Variants in PADI4 observed in about 807,000 individuals in gnomAD.
PADI4 encodes the protein protein-arginine deiminase type-4.
In PADI4, 62 loss-of-function variants were observed where a neutral mutation model predicts 75.0. The observed-to-expected ratio is 0.83, with a 90% CI of 0.67 to 1.02. The LOEUF is 1.02. PADI4 is among the 50% of genes least tolerant of loss of function. The pLI is 0.00. For synonymous variants in PADI4, 361 were observed against 348.1 expected, an observed-to-expected ratio of 1.04 and a Z score of -0.41; for missense variants, 845 against 850.5, an observed-to-expected ratio of 0.99 and a Z score of 0.08.
chr1:17,329,122 C>T lies in PADI4; in HGVS notation c.93-1847C>T, dbSNP rs563305354. The stretch of plus-strand genomic sequence containing the variant: ...TATCTTTATTAAGATATTTTTTGTA[C>T]GAGTGCACGATTCTAGGTTAACAGT... On this transcript the variant is annotated intron_variant, in intron 1 of 15. Transcript: ENST00000375448. Among the ~76,000 whole-genome samples, 70 of 147,140 alleles carry T rather than the reference C, an allele frequency of 4.8e-4. 2 individuals carry two copies. In the South Asian group the frequency reaches 5.9e-3, roughly 12 times the overall value.
chr1:17,362,531 C>T (rs2074861077), intron 15 of PADI4, among the ~76,000 whole-genome samples: 7 of 151,814 alleles, frequency 4.6e-5, no homozygotes, highest in Admixed American at 4.6e-4. Context: ...CACTGAGGAC[C>T]CCCAAAATGG....
Position 17,356,988 on chromosome 1 carries a change from T to A in PADI4, c.1558+529T>A, listed in dbSNP as rs1242582417. On this transcript the variant is annotated intron_variant, in intron 13 of 15. Coordinates refer to ENST00000375448, the MANE Select transcript of PADI4 (RefSeq NM_012387.3). The surrounding 1 kb of genome is among the most constrained non-coding windows in gnomAD (Gnocchi z 4.1). ...CTGAGATGCCTCTGTGGCTGAGAGCTCCACCTCAGATCTGAGTATGTTGTG... is the reference window on the plus strand; with the variant it reads ...CTGAGATGCCTCTGTGGCTGAGAGCACCACCTCAGATCTGAGTATGTTGTG... 6.6e-6 allele frequency among the ~76,000 whole-genome samples: 1 copy of A among 152,078 alleles called. No homozygotes were observed. Among genetic ancestry groups the A allele is most frequent in the Non-Finnish European group, 1.5e-5 (1 of 68,018 alleles).
intron 8 of PADI4, 147 bp from the exon 9 acceptor site, chr1:17,345,881 C>T: frequency 1.7e-6 from 1 of 595,936 alleles, no homozygotes; most frequent in East Asian, 2.9e-5. Flanking sequence ...TGAGCTAATG[C>T]CTGCTAAGAG....
intron 10 of PADI4, among the ~76,000 whole-genome samples, chr1:17,354,180 G>C (rs2100239306): frequency 6.6e-6 from 1 of 152,192 alleles, no homozygotes; most frequent in South Asian, 2.1e-4. Context: ...AGGGGCGGAG[G>C]TTGCAGTGGC....
chr1:17,351,048 A>G (rs2074607844), intron 10 of PADI4, among the ~76,000 whole-genome samples: 1 of 125,588 alleles, frequency 8.0e-6, no homozygotes, highest in Non-Finnish European at 1.8e-5. Context: ...AATTGTTTCA[A>G]TTAACTAGGC....
At chr1:17,340,031 C>T (rs2074387063) in intron 6 of PADI4, among the ~76,000 whole-genome samples, 2 of 134,716 alleles carry the variant, frequency 1.5e-5, no homozygotes, top group South Asian at 4.8e-4. Context: ...TTTTCTTTCT[C>T]TCTCTCTCAC....
chr1:17,344,123 G>A (rs540422427), intron 8 of PADI4, among the ~76,000 whole-genome samples: 10 of 152,348 alleles, frequency 6.6e-5, no homozygotes, highest in Admixed American at 2.0e-4. Flanking sequence ...AGATGGAGAT[G>A]AGGAACTTGT....
intron 1 of PADI4, among the ~76,000 whole-genome samples, chr1:17,311,356 T>G (rs907231277): frequency 2.0e-5 from 3 of 151,182 alleles, no homozygotes; most frequent in Non-Finnish European, 4.4e-5. Context: ...TGCTGGGGAG[T>G]GGACTCCCCT....
intron 2 of PADI4, 99 bp downstream of exon 2, chr1:17,331,248 G>A (rs2074206870): frequency 8.6e-6 from 9 of 1,050,864 alleles, no homozygotes; most frequent in Non-Finnish European, 1.3e-5. Flanking sequence ...GCCTGGCAGA[G>A]CCTCTTGCCC....
chr1:17,316,459 GTGGGCAGA>G (rs1228948555), intron 1 of PADI4, among the ~76,000 whole-genome samples: 1 of 151,550 alleles, frequency 6.6e-6, no homozygotes, highest in Non-Finnish European at 1.5e-5. Context: ...GGAGGCTGAG[GTGGGCAGA>G]TCACGAGGTC....
intron 10 of PADI4, among the ~76,000 whole-genome samples, chr1:17,353,070 A>C (rs570838153): frequency 6.6e-6 from 1 of 152,300 alleles, no homozygotes; most frequent in Admixed American, 6.5e-5. Context: ...CCATGTGTTC[A>C]TGGAGACCTG....
rs767002818 is a variant in PADI4 at position 17,347,955 on chromosome 1, C to G, written c.1062C>G (p.Ile354Met). ...CACTCCCACAGGATGAAATGGAGAT[C>G]GGCTACATCCAAGCCCCACACAAAA... ...DDQWMQDEME[I>M]GYIQAPHKTL... The change falls in exon 10 of 16, where the codon ATC becomes ATG. Residue 354 changes from isoleucine (I) to methionine (M), a missense_variant. Ile to Met is a conservative substitution (Grantham distance 10, BLOSUM62 1). Transcript: ENST00000375448. 5 of 1,581,628 alleles carry G rather than the reference C, an allele frequency of 3.2e-6. No individual in the cohort carries two copies. The East Asian group carries it at 1.1e-4, about 36-fold the overall frequency.
At chr1:17,326,794 C>T (rs1474884081) in intron 1 of PADI4, among the ~76,000 whole-genome samples, 2 of 151,972 alleles carry the variant, frequency 1.3e-5, no homozygotes, top group African/African-American at 4.8e-5. Context: ...TTTTTATCTG[C>T]TTAATCTATT....
intron 10 of PADI4, among the ~76,000 whole-genome samples, chr1:17,351,992 A>AGACTGTG (rs1557576435): frequency 3.3e-4 from 9 of 27,622 alleles, no homozygotes; most frequent in African/African-American, 9.3e-4. Flanking sequence ...GAGGAGAGGC[A>AGACTGTG]GTCAGGGAGG....
rs748440714 is a variant in PADI4, at chr1:17,358,945, C to A, written c.1629+37C>A. 4.9e-6 allele frequency: 7 copies of A among 1,416,328 alleles called. No homozygotes were observed. The Admixed American group carries it at 1.1e-4, about 23-fold the overall frequency. The allele number at this position is 1,416,328 out of a possible 1,614,324, so 87.7% of individuals were successfully genotyped here. A position where few individuals can be genotyped will look rare whatever the true frequency, so the allele number is the denominator to read the frequency against. ...GGTGCCTACACCCCAGCAGACCTGA[C>A]GCCCTGTCCCCGGCTCAGCCACTTT... On this transcript the variant is annotated intron_variant, in intron 14 of 15. Coordinates refer to ENST00000375448, the MANE Select transcript of PADI4 (RefSeq NM_012387.3).
rs550507895 is a variant in PADI4 at position 17,315,781 on chromosome 1, T to C, written c.92+7467T>C. ...CACCCTTTTCTCATACCTTCCCTTG[T>C]AGCCCTGGGAAAGAGGAATTCTTCC... On this transcript the variant is annotated intron_variant, in intron 1 of 15. Coordinates refer to ENST00000375448, the MANE Select transcript of PADI4 (RefSeq NM_012387.3). 3.9e-5 allele frequency among the ~76,000 whole-genome samples: 6 copies of C among 152,126 alleles called. No homozygotes were observed. In the South Asian group the frequency reaches 1.0e-3, roughly 26 times the overall value.
In PADI4 at chr1:17,358,892, A is replaced by G. The variant is rs566872956; in HGVS notation, c.1613A>G (p.His538Arg). 1.2e-6 allele frequency: 2 copies of G among 1,608,154 alleles called. No homozygotes were observed. Among genetic ancestry groups the G allele is most frequent in the African/African-American group, 1.3e-5 (1 of 74,770 alleles). Residue 538 changes from histidine (H) to arginine (R), a missense_variant, in exon 14 of 16, where the codon CAT becomes CGT. By Grantham distance (29) the His-to-Arg change is conservative (BLOSUM62 0). Transcript: ENST00000375448. The part of the protein sequence containing the change: ...NILSNKTLRE[H>R]NSFVERCIDW... ...CTGTCAAACAAGACATTGAGAGAAC[A>G]TAATTCATTTGTGGAGGTAGGAGCC...
Position 17,363,895 on chromosome 1 carries a change from G to A in PADI4, c.*140G>A. On this transcript the variant is annotated 3_prime_UTR_variant, in exon 16 of 16. Coordinates refer to ENST00000375448, the MANE Select transcript of PADI4 (RefSeq NM_012387.3). ...CAGCAGTGGCTTGCTTTCTTCTCCT[G>A]TGATGTCCCAGTTTCCCACTCTGAA... 1 of 610,012 alleles carries A rather than the reference G, an allele frequency of 1.6e-6. No homozygotes were observed. The highest frequency in any genetic ancestry group is 3.0e-6 in the Non-Finnish European group (1 of 336,864). 37.8% of individuals were successfully genotyped at this position (610,012 alleles called of 1,614,324 possible).
rs768467439 is a variant in PADI4 at position 17,356,171 on chromosome 1, G to C, written c.1455+44G>C. The stretch of plus-strand genomic sequence containing the variant: ...CCTCAGGAAGCCATGCCTCCTTCCT[G>C]GGTAGACCCTCTGCCTGGGGTGGGA... On this transcript the variant is annotated intron_variant, in intron 12 of 15. Coordinates refer to ENST00000375448, the MANE Select transcript of PADI4 (RefSeq NM_012387.3). This position sits in a 1 kb window ranked among gnomAD's most constrained non-coding sequence, Gnocchi z 4.1. 7 of 1,595,320 alleles carry C rather than the reference G, an allele frequency of 4.4e-6. No homozygotes were observed. Among genetic ancestry groups the C allele is most frequent in the Non-Finnish European group, 4.3e-6 (5 of 1,166,530 alleles).
Sources: allele counts gnomAD v4.1 joint callset (sites outside exome capture counted in the v4.1 genomes callset), GRCh38; gene constraint gnomAD v4.1.1; non-coding constraint Gnocchi (gnomAD v3.1); transcripts MANE v1.5; gene names NCBI Gene and HGNC (gene_info 2026-07-23, HGNC 2026-07-21).